Variants in PPARG observed in about 807,000 individuals in gnomAD.
The protein encoded by PPARG is peroxisome proliferator-activated receptor gamma.
PPARG carries 17 observed loss-of-function variants against 39.2 expected under a neutral mutation model. The observed-to-expected ratio is 0.43, with a 90% confidence interval of 0.30 to 0.65. The LOEUF (loss-of-function observed/expected upper bound fraction) is 0.65. Among genes scored for constraint, PPARG ranks in the 30% least tolerant of loss-of-function variants. PPARG has a pLI of 0.13. For synonymous variants in PPARG, 223 were observed against 215.7 expected (o/e 1.03, Z -0.30); for missense variants, 406 against 585.9 (o/e 0.69, Z 3.17).
At chr3:12,317,477 G>T (rs1013339234) in intron 2 of PPARG, among the ~76,000 whole-genome samples, 3 of 152,028 alleles carry the variant, frequency 2.0e-5, no homozygotes, top group Non-Finnish European at 4.4e-5. Flanking sequence ...TTCACTGTTA[G>T]GTCCTATAAA....
intron 2 of PPARG, among the ~76,000 whole-genome samples, chr3:12,336,421 T>C (rs1398302895): frequency 2.6e-5 from 4 of 152,110 alleles, no homozygotes; most frequent in African/African-American, 7.2e-5. Flanking sequence ...CTAGTGATGC[T>C]GACATCTACT....
chr3:12,288,515 G>A (rs1203408131), upstream of PPARG, among the ~76,000 whole-genome samples: 2 of 152,000 alleles, frequency 1.3e-5, no homozygotes, highest in Admixed American at 6.5e-5. Context: ...GCCGCTCCGG[G>A]GGAACTTTGG....
intron 2 of PPARG, among the ~76,000 whole-genome samples, chr3:12,336,117 A>G (rs768324539): frequency 5.3e-5 from 8 of 152,214 alleles, no homozygotes; most frequent in Admixed American, 2.6e-4. Context: ...TAGGAAGGGT[A>G]AGAAGTGGGA....
At chr3:12,309,863 C>A (rs775804138) in intron 1 of PPARG, among the ~76,000 whole-genome samples, 14 of 152,336 alleles carry the variant, frequency 9.2e-5, no homozygotes, top group Non-Finnish European at 1.6e-4. Flanking sequence ...CAGCCCCTGT[C>A]TAACGTGGGC....
intron 2 of PPARG, among the ~76,000 whole-genome samples, chr3:12,331,044 C>G (rs905256349): frequency 1.3e-5 from 2 of 152,156 alleles, no homozygotes; most frequent in Non-Finnish European, 2.9e-5. Flanking sequence ...AGTGACTTGC[C>G]TAAGATAACA....
intron 1 of PPARG, among the ~76,000 whole-genome samples, chr3:12,311,086 A>T (rs2047229126): frequency 6.6e-6 from 1 of 152,138 alleles, no homozygotes; most frequent in Non-Finnish European, 1.5e-5. Context: ...TTTGTTTTTG[A>T]TATTGAGTCT....
At chr3:12,333,352 G>A (rs896855406) in intron 2 of PPARG, among the ~76,000 whole-genome samples, 2 of 152,252 alleles carry the variant, frequency 1.3e-5, no homozygotes, top group South Asian at 4.1e-4. Flanking sequence ...TTACACCACT[G>A]GCATGTGGTA....
chr3:12,358,605 A>T (rs1278956166), intron 2 of PPARG, among the ~76,000 whole-genome samples: 1 of 152,216 alleles, frequency 6.6e-6, no homozygotes, highest in African/African-American at 2.4e-5. Flanking sequence ...TGTAAATAAA[A>T]TTATAGACCT....
intron 2 of PPARG, among the ~76,000 whole-genome samples, chr3:12,375,400 C>T (rs1008401234): frequency 1.3e-5 from 2 of 152,208 alleles, no homozygotes; most frequent in Non-Finnish European, 2.9e-5. Context: ...ATTTGTGCAT[C>T]CTTATTTTCA....
intron 1 of PPARG, among the ~76,000 whole-genome samples, chr3:12,290,733 C>T (rs950929041): frequency 2.0e-5 from 3 of 152,080 alleles, no homozygotes; most frequent in African/African-American, 7.2e-5. Context: ...ATGTTAGCCA[C>T]TAACCTTAAT....
rs1575109824 is a variant in PPARG, at chr3:12,395,619, T to C, written c.529+2867T>C. 4.6e-5 allele frequency among the ~76,000 whole-genome samples: 7 copies of C among 152,226 alleles called. No individual in the cohort carries two copies. The South Asian group carries it at 1.4e-3, about 32-fold the overall frequency. On this transcript the variant is annotated intron_variant, in intron 5 of 7. Transcript: ENST00000651735. Reference sequence around the variant, plus strand: ...GTTTCTCAAATATTCACTTTCAGCATTGGGTAGAAAAAGTACCCAGGTGAT... The same window carrying C: ...GTTTCTCAAATATTCACTTTCAGCACTGGGTAGAAAAAGTACCCAGGTGAT...
At chr3:12,421,660 G>A (rs2051265605) in intron 7 of PPARG, among the ~76,000 whole-genome samples, 1 of 152,204 alleles carries the variant, frequency 6.6e-6, no homozygotes, top group South Asian at 2.1e-4. Flanking sequence ...CAAGATACGG[G>A]GGAGGAAATT....
chr3:12,370,106 A>G (rs1201671946), intron 2 of PPARG, among the ~76,000 whole-genome samples: 1 of 152,034 alleles, frequency 6.6e-6, no homozygotes, highest in Non-Finnish European at 1.5e-5. Context: ...ACTTTTCTGG[A>G]TGCCTTATCA....
At chr3:12,323,106 A>G (rs1332014233) in intron 2 of PPARG, among the ~76,000 whole-genome samples, 1 of 152,132 alleles carries the variant, frequency 6.6e-6, no homozygotes, top group Admixed American at 6.5e-5. Context: ...GTGCCCAGCT[A>G]AAAGAGAGAT....
intron 1 of PPARG, among the ~76,000 whole-genome samples, chr3:12,304,547 G>GA (rs1042697446): frequency 6.6e-6 from 1 of 152,028 alleles, no homozygotes; most frequent in South Asian, 2.1e-4. Flanking sequence ...AGCTGCAGAA[G>GA]AAAAAAATTT....
chr3:12,368,338 C>T (rs868868639), intron 2 of PPARG, among the ~76,000 whole-genome samples: 2 of 151,864 alleles, frequency 1.3e-5, no homozygotes, highest in African/African-American at 2.4e-5. Context: ...TGCGCCACCA[C>T]GCCCGGCTAA....
intron 7 of PPARG, among the ~76,000 whole-genome samples, chr3:12,427,653 A>C (rs2051499115): frequency 6.6e-6 from 1 of 152,246 alleles, no homozygotes. Context: ...CCACAGGCAC[A>C]CAGAAACTAA....
chr3:12,382,764 G>A (rs2049726374), intron 4 of PPARG, among the ~76,000 whole-genome samples: 1 of 152,108 alleles, frequency 6.6e-6, no homozygotes, highest in African/African-American at 2.4e-5. Context: ...GAGCCCAGGG[G>A]TTCAAGACCA....
chr3:12,304,662 C>T (rs1366220468), intron 1 of PPARG, among the ~76,000 whole-genome samples: 1 of 152,124 alleles, frequency 6.6e-6, no homozygotes, highest in Non-Finnish European at 1.5e-5. Flanking sequence ...AAAAATTTCA[C>T]ATGTGCCTGG....
Sources: gnomAD v4.1 joint callset for allele counts (sites outside exome capture counted in the v4.1 genomes callset) on GRCh38, gnomAD v4.1.1 for gene constraint, MANE v1.5 for transcripts, NCBI Gene and HGNC (gene_info 2026-07-23, HGNC 2026-07-21) for gene names.